SNX29: variants seen among roughly 807,000 people sequenced by gnomAD.
The protein encoded by SNX29 is sorting nexin 29, also known as sorting nexin-29.
In SNX29, 78 loss-of-function variants were observed where a neutral mutation model predicts 102.1. That is an observed-to-expected ratio of 0.76 (90% CI 0.64 to 0.92). The LOEUF (loss-of-function observed/expected upper bound fraction) is 0.92. Ranked by LOEUF, SNX29 falls within the 40% of genes least tolerant of loss-of-function variation. The pLI is 0.00. For missense variants in SNX29, 1,280 were observed against 1,061.7 expected, an observed-to-expected ratio of 1.21 and a Z score of -2.86; for synonymous variants, 580 against 414.5, an observed-to-expected ratio of 1.40 and a Z score of -4.85.
intron 11 of SNX29, among the ~76,000 whole-genome samples, chr16:12,108,762 C>T (rs925634759): frequency 1.3e-5 from 2 of 152,114 alleles, no homozygotes; most frequent in African/African-American, 4.8e-5. Context: ...TCTGCTCCAT[C>T]CATACACACG....
intron 19 of SNX29, among the ~76,000 whole-genome samples, chr16:12,517,283 A>T (rs1310606020): frequency 6.6e-6 from 1 of 152,140 alleles, no homozygotes; most frequent in Non-Finnish European, 1.5e-5. Context: ...AAACTCACAG[A>T]TCCCTCATGG....
At chr16:12,313,350 T>G (rs2080626246) in intron 15 of SNX29, among the ~76,000 whole-genome samples, 3 of 152,262 alleles carry the variant, frequency 2.0e-5, no homozygotes, top group Admixed American at 2.0e-4. Flanking sequence ...TTGGTTGATG[T>G]GTCTGTGAAG....
intron 11 of SNX29, chr16:12,081,367 C>A (rs2051865465): frequency 6.6e-6 from 1 of 152,170 alleles, no homozygotes; most frequent in African/African-American, 2.4e-5. Context: ...GGAAGTGCTT[C>A]TCCAAAAGGG....
intron 14 of SNX29, among the ~76,000 whole-genome samples, chr16:12,203,705 G>A (rs1701113): frequency 1 from 151,845 of 152,352 alleles, 75,671 homozygotes; most frequent in Middle Eastern, 1. Flanking sequence ...TTTGCTGTAA[G>A]ACAACCATCC....
intron 19 of SNX29, among the ~76,000 whole-genome samples, chr16:12,493,125 T>G (rs886942603): frequency 3.9e-5 from 6 of 152,208 alleles, no homozygotes; most frequent in African/African-American, 1.4e-4. Flanking sequence ...CCTTGGGCAG[T>G]ATGGCCGTTT....
intron 15 of SNX29, among the ~76,000 whole-genome samples, chr16:12,338,892 C>G (rs1037195199): frequency 6.6e-6 from 1 of 152,080 alleles, no homozygotes; most frequent in Non-Finnish European, 1.5e-5. Context: ...AAAATCATAA[C>G]AGTGTTTCCA....
intron 18 of SNX29, among the ~76,000 whole-genome samples, chr16:12,421,308 C>G (rs923954466): frequency 3.3e-5 from 5 of 152,186 alleles, no homozygotes; most frequent in Admixed American, 1.3e-4. Context: ...GTAGGCTGCT[C>G]TGCCCTTTAA....
chr16:12,171,741 G>A (rs902298129), intron 13 of SNX29, among the ~76,000 whole-genome samples: 2 of 152,260 alleles, frequency 1.3e-5, no homozygotes, highest in East Asian at 3.8e-4. Flanking sequence ...CTTGGGCATT[G>A]TACAGTATTT....
At chr16:12,547,900 G>C (rs11649429) in intron 20 of SNX29, among the ~76,000 whole-genome samples, 1 of 152,170 alleles carries the variant, frequency 6.6e-6, no homozygotes, top group Non-Finnish European at 1.5e-5. Flanking sequence ...GGGCTGTATA[G>C]GAGCTGCTCT....
At chr16:12,360,643 A>G (rs1225439055) in intron 16 of SNX29, among the ~76,000 whole-genome samples, 1 of 135,748 alleles carries the variant, frequency 7.4e-6, no homozygotes, top group Non-Finnish European at 1.6e-5. Context: ...TGTAATCCCC[A>G]TCCCCCCACC....
intron 13 of SNX29, among the ~76,000 whole-genome samples, chr16:12,165,595 C>G (rs1306275356): frequency 6.6e-6 from 1 of 152,240 alleles, no homozygotes; most frequent in Non-Finnish European, 1.5e-5. Flanking sequence ...GAGTCTTGCT[C>G]TGTCACCCAG....
intron 13 of SNX29, among the ~76,000 whole-genome samples, chr16:12,163,548 A>G (rs1394682397): frequency 1.3e-5 from 2 of 152,250 alleles, no homozygotes; most frequent in South Asian, 2.1e-4. Flanking sequence ...ATGAATTCAC[A>G]TGGTTAGAGA....
chr16:12,565,685 C>G (rs1388484584), intron 20 of SNX29, among the ~76,000 whole-genome samples: 2 of 152,100 alleles, frequency 1.3e-5, no homozygotes, highest in Non-Finnish European at 2.9e-5. Flanking sequence ...CTAACCCTGC[C>G]TTCCAGGAAG....
At chr16:12,517,300 A>C (rs2089908919) in intron 19 of SNX29, among the ~76,000 whole-genome samples, 1 of 152,142 alleles carries the variant, frequency 6.6e-6, no homozygotes, top group Non-Finnish European at 1.5e-5. Flanking sequence ...ATGGCCCTTT[A>C]AGAGCTGGAC....
In SNX29 at chr16:12,523,670, C is replaced by G. The variant is rs369858389; in HGVS notation, c.2179-1032C>G. ...CCTCTGTGACAGCTTGGGTTGCACA[C>G]CAAGCAAGCTGGCCCTGCCCACAAA... On this transcript the variant is annotated intron_variant, in intron 19 of 20. Coordinates refer to ENST00000566228, the MANE Select transcript of SNX29 (RefSeq NM_032167.5). Among the ~76,000 whole-genome samples the G allele has an allele frequency of 1.8e-4, 28 of 152,264 alleles. No individual in the cohort carries two copies. In the East Asian group the frequency reaches 5.2e-3, roughly 28 times the overall value.
At chr16:12,292,973 G>A (rs191629370) in intron 15 of SNX29, among the ~76,000 whole-genome samples, 12 of 152,282 alleles carry the variant, frequency 7.9e-5, no homozygotes, top group South Asian at 2.1e-4. Flanking sequence ...TTTCACCAGA[G>A]TAGTTCACTC....
chr16:12,444,248 C>T (rs1237376025), intron 18 of SNX29, among the ~76,000 whole-genome samples: 1 of 151,204 alleles, frequency 6.6e-6, no homozygotes, highest in Non-Finnish European at 1.5e-5. Context: ...CTCAATATAG[C>T]ACCGAGCACG....
chr16:12,303,390 G>C (rs1302924644), intron 15 of SNX29, among the ~76,000 whole-genome samples: 1 of 152,078 alleles, frequency 6.6e-6, no homozygotes, highest in African/African-American at 2.4e-5. Flanking sequence ...TTACAGCATA[G>C]AAATCAACAC....
intron 6 of SNX29, among the ~76,000 whole-genome samples, chr16:12,046,922 G>A (rs2050112860): frequency 6.6e-6 from 1 of 152,174 alleles, no homozygotes; most frequent in Non-Finnish European, 1.5e-5. Flanking sequence ...CCCGACCACA[G>A]TGTTGGGTCC....
Sources: allele counts gnomAD v4.1 joint callset (sites outside exome capture counted in the v4.1 genomes callset), GRCh38; gene constraint gnomAD v4.1.1; transcripts MANE v1.5; gene names NCBI Gene and HGNC (gene_info 2026-07-23, HGNC 2026-07-21).